Variants in MYO16 observed in about 807,000 individuals in gnomAD.
The protein encoded by MYO16 is unconventional myosin-XVI.
Under a neutral mutation model 205.3 loss-of-function variants are expected in MYO16, and 94 were observed. That is an observed-to-expected ratio of 0.46 (90% CI 0.39 to 0.54). The LOEUF is 0.54. Ranked by LOEUF, MYO16 falls within the 20% of genes least tolerant of loss-of-function variation. The pLI, the probability that MYO16 is intolerant of heterozygous loss-of-function variation, is 0.00. For synonymous variants in MYO16, 988 were observed against 954.0 expected (o/e 1.04, Z -0.66); for missense variants, 2,315 against 2,387.5 (o/e 0.97, Z 0.63).
chr13:108,530,218 A>G, the MYO16 span, among the ~76,000 whole-genome samples: 1 of 152,216 alleles, frequency 6.6e-6, no homozygotes, highest in Non-Finnish European at 1.5e-5. Flanking sequence ...GGAGGGTGAG[A>G]GTCCACTCTA....
At chr13:108,781,938 A>C (rs1364781382) in intron 4 of MYO16, among the ~76,000 whole-genome samples, 1 of 152,172 alleles carries the variant, frequency 6.6e-6, no homozygotes, top group Non-Finnish European at 1.5e-5. Flanking sequence ...GCCATGTGGA[A>C]CTGTAAGTCC....
At chr13:108,998,922 G>A (rs541013579) in intron 21 of MYO16, among the ~76,000 whole-genome samples, 3 of 152,166 alleles carry the variant, frequency 2.0e-5, no homozygotes, top group Non-Finnish European at 4.4e-5. Context: ...AAACACATGC[G>A]GAAGCTGGAT....
chr13:109,136,045 T>C (rs1400786475), intron 31 of MYO16, among the ~76,000 whole-genome samples: 1 of 151,652 alleles, frequency 6.6e-6, no homozygotes, highest in Non-Finnish European at 1.5e-5. Context: ...GTCATTTCTT[T>C]TCTTTCTTTC....
chr13:108,647,063 G>A (rs1325980420), intron 1 of MYO16, among the ~76,000 whole-genome samples: 3 of 151,946 alleles, frequency 2.0e-5, no homozygotes, highest in African/African-American at 4.8e-5. Context: ...TAAATCCATG[G>A]CATTTTCCCT....
chr13:109,104,557 G>A (rs1211841129), intron 28 of MYO16, among the ~76,000 whole-genome samples: 1 of 152,128 alleles, frequency 6.6e-6, no homozygotes, highest in Non-Finnish European at 1.5e-5. Flanking sequence ...CGATAGAGAA[G>A]GAGAAGAACT....
At chr13:109,024,428 A>G (rs115798667) in intron 23 of MYO16, among the ~76,000 whole-genome samples, 1,775 of 152,224 alleles carry the variant, frequency 0.012, 36 homozygotes, top group African/African-American at 0.04. Flanking sequence ...CATTAAAGTC[A>G]GTGGAAATGT....
chr13:108,683,916 G>A (rs565341529), intron 2 of MYO16, among the ~76,000 whole-genome samples: 22 of 152,052 alleles, frequency 1.4e-4, no homozygotes, highest in Non-Finnish European at 2.9e-4. Context: ...TCGCTCTGTC[G>A]CCAGGCTGGA....
Position 109,023,497 on chromosome 13 carries a change from A to C in MYO16, c.2796+3586A>C, listed in dbSNP as rs183359309. 4.8e-3 allele frequency among the ~76,000 whole-genome samples: 518 copies of C among 107,530 alleles called. 36 individuals are homozygous for C. The highest frequency in any genetic ancestry group is 0.026 in the Middle Eastern group (2 of 78). The allele number at this position is 107,530 out of a possible 152,430, so 70.5% of individuals were successfully genotyped here. A position where few individuals can be genotyped will look rare whatever the true frequency, so the allele number is the denominator to read the frequency against. ...AGATATAAATATATATTTATATATT[A>C]TACAGATATAAATATATATATTTAT... is the stretch of plus-strand genomic sequence containing the variant. On this transcript the variant is annotated intron_variant, in intron 23 of 34. Coordinates refer to ENST00000457511, the MANE Select transcript of MYO16 (RefSeq NM_001198950.3).
intron 27 of MYO16, among the ~76,000 whole-genome samples, chr13:109,076,279 C>CCTT (rs888542904): frequency 2.0e-5 from 3 of 152,048 alleles, no homozygotes; most frequent in South Asian, 2.1e-4. Context: ...TTATTTCCTT[C>CCTT]CTTCTTCTTC....
At chr13:108,730,872 T>G (rs1182661451) in intron 4 of MYO16, among the ~76,000 whole-genome samples, 3 of 152,228 alleles carry the variant, frequency 2.0e-5, no homozygotes, top group African/African-American at 7.2e-5. Flanking sequence ...GTACTTTTAT[T>G]TTATCTTCCT....
rs138239227 is a variant in MYO16, at chr13:108,919,894, G to A, written c.1925+9744G>A. Among the ~76,000 whole-genome samples, 12 of 152,330 alleles carry A rather than the reference G, an allele frequency of 7.9e-5. No individual in the cohort carries two copies. In the South Asian group the frequency reaches 1.9e-3, roughly 24 times the overall value. The stretch of plus-strand genomic sequence containing the variant: ...GCAACAAAATCTAAACTTGATTGAT[G>A]TAAGTGTATTTATAATTCTTACATA... On this transcript the variant is annotated intron_variant, in intron 16 of 34. Transcript: ENST00000457511.
intron 32 of MYO16, among the ~76,000 whole-genome samples, chr13:109,152,877 AC>A (rs1454435239): frequency 6.6e-6 from 1 of 152,182 alleles, no homozygotes; most frequent in Non-Finnish European, 1.5e-5. Context: ...CGGAAAAATC[AC>A]TAAATACGAA....
At chr13:109,086,793 T>C (rs1888446757) in intron 27 of MYO16, among the ~76,000 whole-genome samples, 1 of 152,184 alleles carries the variant, frequency 6.6e-6, no homozygotes, top group South Asian at 2.1e-4. Context: ...TTTGTTATAT[T>C]ACTCAAAGGC....
the MYO16 span, among the ~76,000 whole-genome samples, chr13:108,561,568 T>C: frequency 6.6e-6 from 1 of 152,236 alleles, no homozygotes; most frequent in African/African-American, 2.4e-5. Flanking sequence ...ATAAAGTGTG[T>C]TCCATTCTGT....
intron 4 of MYO16, among the ~76,000 whole-genome samples, chr13:108,766,623 A>G (rs1474603309): frequency 6.6e-6 from 1 of 152,266 alleles, no homozygotes; most frequent in Non-Finnish European, 1.5e-5. Context: ...ACATTTTACA[A>G]GGCAGAGCGG....
At chr13:109,052,127 A>G (rs1282622562) in intron 24 of MYO16, among the ~76,000 whole-genome samples, 173 bp from the exon 25 acceptor site, 2 of 152,182 alleles carry the variant, frequency 1.3e-5, no homozygotes, top group Non-Finnish European at 2.9e-5. Flanking sequence ...GATATTAAAT[A>G]GTGGAGGAAA....
chr13:109,077,014 T>TG (rs976907844), intron 27 of MYO16, among the ~76,000 whole-genome samples: 32 of 139,778 alleles, frequency 2.3e-4, no homozygotes, highest in African/African-American at 8.1e-4. Context: ...TTTTTGGAGA[T>TG]GGAGTCTCGC....
intron 16 of MYO16, among the ~76,000 whole-genome samples, chr13:108,947,658 A>C (rs1394579845): frequency 6.6e-6 from 1 of 152,142 alleles, no homozygotes; most frequent in Non-Finnish European, 1.5e-5. Flanking sequence ...CCTTCTGTGC[A>C]AGACACAGCC....
chr13:108,725,808 C>T (rs1884317109), intron 3 of MYO16, among the ~76,000 whole-genome samples: 1 of 152,178 alleles, frequency 6.6e-6, no homozygotes, highest in African/African-American at 2.4e-5. Context: ...CCACCCTGGT[C>T]TCTCAAGACA....
Sources: gnomAD v4.1 joint callset for allele counts (sites outside exome capture counted in the v4.1 genomes callset) on GRCh38, gnomAD v4.1.1 for gene constraint, MANE v1.5 for transcripts, NCBI Gene and HGNC (gene_info 2026-07-23, HGNC 2026-07-21) for gene names.